The following MRTFA variants were observed in gnomAD, a reference collection of about 807,000 sequenced individuals.
MRTFA encodes the protein myocardin-related transcription factor A.
MRTFA carries 20 observed loss-of-function variants against 83.5 expected under a neutral mutation model. The ratio of observed to expected loss-of-function variants is 0.24; its 90% CI spans 0.17 to 0.35. The LOEUF (loss-of-function observed/expected upper bound fraction) is 0.35, where lower values mean the gene tolerates loss of function less well. Ranked by LOEUF, MRTFA falls within the 10% of genes least tolerant of loss-of-function variation. The pLI is 1.00. For missense variants in MRTFA, 1,200 were observed against 1,224.7 expected (o/e 0.98, Z 0.30); for synonymous variants, 659 against 541.2 (o/e 1.22, Z -3.02).
At chr22:40,509,455 T>C (rs1439757745) in intron 3 of MRTFA, among the ~76,000 whole-genome samples, 1 of 152,242 alleles carries the variant, frequency 6.6e-6, no homozygotes, top group African/African-American at 2.4e-5. Flanking sequence ...AGCCAAATTC[T>C]CCCCATAGCC....
chr22:40,542,437 C>G (rs917727270), intron 3 of MRTFA, among the ~76,000 whole-genome samples: 1 of 152,162 alleles, frequency 6.6e-6, no homozygotes, highest in East Asian at 1.9e-4. Flanking sequence ...TTTGTTGAGT[C>G]TTTTTCTTTC....
In MRTFA at chr22:40,444,404, G is replaced by A. The variant is rs532593115; in HGVS notation, c.308-8850C>T. On this transcript the variant is annotated intron_variant, in intron 4 of 14. Coordinates refer to ENST00000355630, the MANE Select transcript of MRTFA (RefSeq NM_020831.6). ...TGAAACAGTTCTTACATTAATTGCC[G>A]AAAACTTCCCAAATTTGGCAAGATA... 1.4e-4 allele frequency among the ~76,000 whole-genome samples: 21 copies of A among 152,186 alleles called. No individual in the cohort carries two copies. In the East Asian group the frequency reaches 3.5e-3, roughly 25 times the overall value.
intron 1 of MRTFA, among the ~76,000 whole-genome samples, chr22:40,606,784 T>G (rs1279836336): frequency 3.9e-5 from 6 of 152,292 alleles, no homozygotes; most frequent in Non-Finnish European, 8.8e-5. Context: ...GGGAGTTTGG[T>G]GGCAAAAGCT....
In MRTFA at chr22:40,418,585, G is replaced by A; in HGVS notation, c.2153C>T (p.Pro718Leu). The A allele has an allele frequency of 6.5e-7, 1 of 1,549,868 alleles. No homozygotes were observed. The highest frequency in any genetic ancestry group is 8.7e-7 in the Non-Finnish European group (1 of 1,154,876). Residue 718 changes from proline (P) to leucine (L), a missense_variant, in exon 12 of 15, where the codon CCC becomes CTC. Coordinates refer to ENST00000355630, the MANE Select transcript of MRTFA (RefSeq NM_020831.6). ...TTCCTGCTTCACCACCACGGACGGG[G>A]GCCCCGGGGCCACAGCACAAGGGTC...
intron 3 of MRTFA, among the ~76,000 whole-genome samples, chr22:40,484,783 A>G (rs1014541560): frequency 2.0e-5 from 3 of 152,120 alleles, no homozygotes; most frequent in African/African-American, 7.2e-5. Flanking sequence ...CTCAAAATCT[A>G]AAAGTAGAGG....
At chr22:40,420,733 TCCAGA>T (rs954250308) in intron 10 of MRTFA, 109 bp downstream of exon 10, 2 of 1,553,506 alleles carry the variant, frequency 1.3e-6, no homozygotes, top group Non-Finnish European at 1.7e-6. Flanking sequence ...CTCTGTAGCA[TCCAGA>T]CCAGCGGGTC....
intron 9 of MRTFA, 142 bp downstream of exon 9, chr22:40,423,394 C>T: frequency 1.3e-6 from 1 of 741,306 alleles, no homozygotes; most frequent in Non-Finnish European, 2.0e-6. Context: ...GGACAGCAGA[C>T]AGAACGGGAA....
In MRTFA at chr22:40,419,039, C is replaced by T. The variant is rs141109536; in HGVS notation, c.1699G>A (p.Asp567Asn). The T allele has an allele frequency of 4.5e-5, 72 of 1,611,996 alleles. No homozygotes were observed. The highest frequency in any genetic ancestry group is 2.1e-4 in the South Asian group (19 of 91,002). ...GTGTCCCCGGGGGTGGAGTTTTCAT[C>T]GCCCGTGCTGAGCAGTGAGCGCTCC... is the stretch of plus-strand genomic sequence containing the variant. The change falls in exon 12 of 15, where the codon GAT (aspartate) becomes AAT (asparagine). Residue 567 changes from aspartate to asparagine, a missense_variant. Around this residue, in one of 2 missense-constraint regions of MRTFA, gnomAD observed 1,107 missense variants for 1,041.8 expected, o/e 1.06. Transcript: ENST00000355630.
intron 3 of MRTFA, among the ~76,000 whole-genome samples, chr22:40,545,590 G>T (rs1215202218): frequency 2.6e-5 from 4 of 151,680 alleles, no homozygotes; most frequent in Non-Finnish European, 5.9e-5. Context: ...CTGCCACCAC[G>T]CCCGGCTAAT....
chr22:40,421,910 A>G (rs1410992829), intron 9 of MRTFA, among the ~76,000 whole-genome samples: 1 of 152,264 alleles, frequency 6.6e-6, no homozygotes. Flanking sequence ...GAGGACTGAA[A>G]GGAAGGTTTG....
At chr22:40,481,089 C>T (rs998174919) in intron 3 of MRTFA, among the ~76,000 whole-genome samples, 1 of 152,102 alleles carries the variant, frequency 6.6e-6, no homozygotes, top group African/African-American at 2.4e-5. Flanking sequence ...GCCTGGGCAA[C>T]AGGGTGAGAC....
chr22:40,563,636 G>A (rs1455910426), intron 2 of MRTFA, among the ~76,000 whole-genome samples: 1 of 152,170 alleles, frequency 6.6e-6, no homozygotes, highest in East Asian at 1.9e-4. Context: ...GCCAAGCGGG[G>A]AGGATCCCTT....
chr22:40,448,786 C>T (rs2053431700), intron 4 of MRTFA, among the ~76,000 whole-genome samples: 1 of 152,114 alleles, frequency 6.6e-6, no homozygotes, highest in African/African-American at 2.4e-5. Context: ...ATCCTTTGGC[C>T]CTAGCATTAG....
At chr22:40,415,838 G>A (rs989306687) in intron 14 of MRTFA, among the ~76,000 whole-genome samples, 4 of 151,766 alleles carry the variant, frequency 2.6e-5, no homozygotes, top group African/African-American at 4.8e-5. Flanking sequence ...TCCAGGCCTC[G>A]GTCCTCAGCT....
chr22:40,456,207 G>T (rs1018753791), intron 4 of MRTFA, among the ~76,000 whole-genome samples: 1 of 151,832 alleles, frequency 6.6e-6, no homozygotes, highest in South Asian at 2.1e-4. Context: ...TCTTTCCAGG[G>T]GCTATAAAAA....
intron 4 of MRTFA, among the ~76,000 whole-genome samples, chr22:40,450,710 A>T (rs937275353): frequency 2.0e-5 from 3 of 151,908 alleles, no homozygotes; most frequent in African/African-American, 7.3e-5. Context: ...CACCCACCTC[A>T]ATCTCCCAAA....
intron 1 of MRTFA, among the ~76,000 whole-genome samples, chr22:40,608,518 G>T (rs902060002): frequency 9.9e-5 from 15 of 152,196 alleles, no homozygotes; most frequent in African/African-American, 3.6e-4. Flanking sequence ...AGGTGCTGTA[G>T]ATGTGACCTC....
In MRTFA at chr22:40,482,308, A is replaced by G. The variant is rs564924435; in HGVS notation, c.242-19022T>C. 1.3e-4 allele frequency among the ~76,000 whole-genome samples: 20 copies of G among 152,270 alleles called. 1 individual carries two copies. In the South Asian group the frequency reaches 3.7e-3, roughly 28 times the overall value. The stretch of plus-strand genomic sequence containing the variant: ...TTTATGCCACAGTCATAATAAAAAT[A>G]TTAATAACTATAAATAAATATTATT... On this transcript the variant is annotated intron_variant, in intron 3 of 14. Transcript: ENST00000355630.
rs1038765593 is a variant in MRTFA at position 40,612,307 on chromosome 22, A to G, written c.-83-17572T>C. Among the ~76,000 whole-genome samples, 21 of 152,368 alleles carry G rather than the reference A, an allele frequency of 1.4e-4. 2 individuals carry two copies. Among genetic ancestry groups the G allele is most frequent in the Admixed American group, 1.2e-3 (18 of 15,302 alleles). On this transcript the variant is annotated intron_variant, in intron 1 of 14. Coordinates refer to ENST00000355630, the MANE Select transcript of MRTFA (RefSeq NM_020831.6). Reference sequence around the variant, plus strand: ...ATGACTGCAGTTAGGAAACGGCAAGAGAATGAAGGATGAACTATCTTCCTG... The same window carrying G: ...ATGACTGCAGTTAGGAAACGGCAAGGGAATGAAGGATGAACTATCTTCCTG...
Sources: allele counts gnomAD v4.1 joint callset (sites outside exome capture counted in the v4.1 genomes callset), GRCh38; gene constraint gnomAD v4.1.1; regional missense constraint gnomAD v4.1.1; transcripts MANE v1.5; gene names NCBI Gene and HGNC (gene_info 2026-07-23, HGNC 2026-07-21).